The following PLA2G4A variants were observed in gnomAD, a reference collection of about 807,000 sequenced individuals.
PLA2G4A encodes the protein cytosolic phospholipase A2.
A neutral mutation model predicts 81.9 loss-of-function variants in PLA2G4A; 40 were observed. The ratio of observed to expected loss-of-function variants is 0.49; its 90% CI spans 0.38 to 0.64. The LOEUF is 0.64. PLA2G4A is among the 30% of genes least tolerant of loss of function. The pLI is 0.00. For synonymous variants in PLA2G4A, 302 were observed against 296.9 expected (o/e 1.02, Z -0.18); for missense variants, 715 against 905.1 (o/e 0.79, Z 2.69).
intron 6 of PLA2G4A, among the ~76,000 whole-genome samples, chr1:186,910,677 G>T (rs1047589190): frequency 6.6e-6 from 1 of 152,092 alleles, no homozygotes; most frequent in Non-Finnish European, 1.5e-5. Context: ...ATAATTTAAG[G>T]GTTCTAAAGT....
At chr1:186,922,835 C>A (rs1372883856) in intron 7 of PLA2G4A, among the ~76,000 whole-genome samples, 1 of 152,172 alleles carries the variant, frequency 6.6e-6, no homozygotes, top group Non-Finnish European at 1.5e-5. Context: ...TAAGGGGGTC[C>A]ACTTGAGTGG....
chr1:186,875,095 T>C (rs1022008560), intron 3 of PLA2G4A, among the ~76,000 whole-genome samples: 4 of 152,080 alleles, frequency 2.6e-5, no homozygotes, highest in East Asian at 3.9e-4. Flanking sequence ...ATTTCTAACA[T>C]ACAGCTGATG....
chr1:186,982,800 C>T (rs548690444), intron 17 of PLA2G4A, among the ~76,000 whole-genome samples: 9 of 152,130 alleles, frequency 5.9e-5, no homozygotes, highest in East Asian at 1.9e-4. Flanking sequence ...TTTTTGGGGC[C>T]GGGCGCCGTG....
intron 1 of PLA2G4A, among the ~76,000 whole-genome samples, chr1:186,837,898 G>A (rs1260532050): frequency 6.6e-6 from 1 of 152,084 alleles, no homozygotes; most frequent in Non-Finnish European, 1.5e-5. Flanking sequence ...AACAGTAGGA[G>A]GAACATTGCC....
At chr1:186,959,683 A>G (rs1427749008) in intron 14 of PLA2G4A, among the ~76,000 whole-genome samples, 2 of 152,166 alleles carry the variant, frequency 1.3e-5, no homozygotes, top group Non-Finnish European at 2.9e-5. Context: ...TTACAAAGAT[A>G]GATCTGATTT....
At chr1:186,880,189 A>G (rs944042095) in intron 3 of PLA2G4A, among the ~76,000 whole-genome samples, 14 of 152,174 alleles carry the variant, frequency 9.2e-5, no homozygotes, top group Admixed American at 9.2e-4. Context: ...ACCCTTTGGA[A>G]AAATGCTGCC....
chr1:186,844,318 CA>C (rs1227931126), intron 1 of PLA2G4A, among the ~76,000 whole-genome samples: 1 of 151,894 alleles, frequency 6.6e-6, no homozygotes, highest in Non-Finnish European at 1.5e-5. Flanking sequence ...CCTTAGTTTA[CA>C]AAAAAAGCAC....
chr1:186,852,740 T>G (rs1414455000), intron 1 of PLA2G4A, among the ~76,000 whole-genome samples: 3 of 151,988 alleles, frequency 2.0e-5, no homozygotes, highest in Admixed American at 1.3e-4. Flanking sequence ...CCAATACCAT[T>G]ACATTAGCAA....
At position 186,894,972 on chromosome 1, in the gene PLA2G4A, T is replaced by C. The variant is rs549614473; in HGVS notation, c.378+761T>C. ...GTTGTTGGGAGAGACAATGTGTCTCTGCGCATCTTTAGAATGACTTTCCAA... is the reference window on the plus strand; with the variant it reads ...GTTGTTGGGAGAGACAATGTGTCTCCGCGCATCTTTAGAATGACTTTCCAA... On this transcript the variant is annotated intron_variant, in intron 5 of 17. Transcript: ENST00000367466. 5.8e-4 allele frequency among the ~76,000 whole-genome samples: 89 copies of C among 152,322 alleles called. 1 individual carries two copies. Among genetic ancestry groups the C allele is most frequent in the South Asian group, 4.8e-3 (23 of 4,828 alleles).
intron 2 of PLA2G4A, among the ~76,000 whole-genome samples, chr1:186,857,585 A>G (rs1652636849): frequency 6.9e-6 from 1 of 144,466 alleles, no homozygotes; most frequent in Non-Finnish European, 1.5e-5. Context: ...AATATAAAAT[A>G]TATTATATAT....
intron 7 of PLA2G4A, among the ~76,000 whole-genome samples, chr1:186,916,471 C>T (rs565203596): frequency 6.6e-6 from 1 of 152,240 alleles, no homozygotes; most frequent in South Asian, 2.1e-4. Flanking sequence ...AGCCTTTTTC[C>T]CAACTAAAAT....
In PLA2G4A at chr1:186,946,779, G is replaced by C. The variant is rs746246855; in HGVS notation, c.1171+5G>C. 6.2e-7 allele frequency: 1 copy of C among 1,607,962 alleles called. No homozygotes were observed. The highest frequency in any genetic ancestry group is 1.1e-5 in the South Asian group (1 of 90,922). On this transcript the variant is annotated splice_donor_5th_base_variant and intron_variant, in intron 11 of 17. Transcript: ENST00000367466. The stretch of plus-strand genomic sequence containing the variant: ...ACCCCTTGCATTTCTTAATGGGTAA[G>C]TGATCAAAATAAAAATATATCATTG...
chr1:186,845,856 GA>G (rs895165731), intron 1 of PLA2G4A, among the ~76,000 whole-genome samples: 34 of 152,086 alleles, frequency 2.2e-4, no homozygotes, highest in African/African-American at 8.2e-4. Context: ...AGTATCTGTT[GA>G]AAAGTCTATC....
In PLA2G4A at chr1:186,977,793, G is replaced by T. The variant is rs1218491727; in HGVS notation, c.1960+5G>T. The T allele has an allele frequency of 6.3e-7, 1 of 1,577,010 alleles. No individual in the cohort carries two copies. Among genetic ancestry groups the T allele is most frequent in the Admixed American group, 1.7e-5 (1 of 59,978 alleles). Reference sequence around the variant, plus strand: ...TCAGAAAGTACAGGGCTCCAGGTAAGTAGGGAGTAAGCTGTATTCCATAAA... The same window carrying T: ...TCAGAAAGTACAGGGCTCCAGGTAATTAGGGAGTAAGCTGTATTCCATAAA... On this transcript the variant is annotated splice_donor_5th_base_variant and intron_variant, in intron 16 of 17. Transcript: ENST00000367466.
At chr1:186,910,002 G>A (rs1654885731) in intron 6 of PLA2G4A, among the ~76,000 whole-genome samples, 1 of 152,050 alleles carries the variant, frequency 6.6e-6, no homozygotes, top group Non-Finnish European at 1.5e-5. Context: ...TCTAGGACTA[G>A]AAAATAAGTA....
chr1:186,935,317 C>T (rs1248434982), intron 8 of PLA2G4A, among the ~76,000 whole-genome samples: 1 of 151,196 alleles, frequency 6.6e-6, no homozygotes, highest in South Asian at 2.1e-4. Context: ...CTCATAAAAG[C>T]CATCTATTAT....
At chr1:186,910,772 C>CAAGGCAATTAATT (rs1334965554) in intron 6 of PLA2G4A, among the ~76,000 whole-genome samples, 11 of 152,106 alleles carry the variant, frequency 7.2e-5, no homozygotes, top group Non-Finnish European at 1.5e-4. Flanking sequence ...ATCCATTAGA[C>CAAGGCAATTAATT]AAGGCAATTA....
intron 15 of PLA2G4A, among the ~76,000 whole-genome samples, chr1:186,968,651 T>C (rs908511224): frequency 1.3e-5 from 2 of 151,926 alleles, no homozygotes; most frequent in African/African-American, 4.8e-5. Context: ...TGCTCTATTT[T>C]CAACTTTTAG....
chr1:186,914,611 A>G (rs1366270176), intron 7 of PLA2G4A, among the ~76,000 whole-genome samples: 1 of 152,156 alleles, frequency 6.6e-6, no homozygotes, highest in Non-Finnish European at 1.5e-5. Context: ...TTAGAACAGA[A>G]CAGAATAGGA....
Sources: allele counts gnomAD v4.1 joint callset (sites outside exome capture counted in the v4.1 genomes callset), GRCh38; gene constraint gnomAD v4.1.1; transcripts MANE v1.5; gene names NCBI Gene and HGNC (gene_info 2026-07-23, HGNC 2026-07-21).